The following LCN6 variants were observed in gnomAD, a reference collection of about 807,000 sequenced individuals.
The protein encoded by LCN6 is lipocalin 6, also known as epididymal-specific lipocalin-6.
Under a neutral mutation model 21.4 loss-of-function variants are expected in LCN6, and 20 were observed. That is an observed-to-expected ratio of 0.93 (90% CI 0.66 to 1.36). LCN6 has a LOEUF of 1.36. Among genes scored for constraint, LCN6 ranks in the 40% most tolerant of loss-of-function variants. The probability of loss-of-function intolerance (pLI) is 0.00; values close to 1 mark genes in which losing one functional copy is unlikely to be tolerated. For missense variants in LCN6, 217 were observed against 206.6 expected, an observed-to-expected ratio of 1.05 and a Z score of -0.31; for synonymous variants, 96 against 89.0, an observed-to-expected ratio of 1.08 and a Z score of -0.44.
In LCN6 at chr9:136,745,000, AG is replaced by A. The variant is rs1847016514; in HGVS notation, c.412+169del. On this transcript the variant is annotated intron_variant, in intron 4 of 6. Transcript: ENST00000341206. This position sits in a 1 kb window ranked among gnomAD's most constrained non-coding sequence, Gnocchi z 4.2. ...CCACACAGCTCCCCATGTGGCCCCA[AG>A]CGGCCCACTCACCACACAGCTCCCC... Among the ~76,000 whole-genome samples the A allele has an allele frequency of 6.9e-6, 1 of 145,746 alleles. No individual in the cohort carries two copies. The highest frequency in any genetic ancestry group is 2.6e-5 in the African/African-American group (1 of 38,492).
rs548557002 is a variant in LCN6, at chr9:136,748,318, G to A, written c.90+76C>T. 45 of 1,308,012 alleles carry A rather than the reference G, an allele frequency of 3.4e-5. No homozygotes were observed. In the East Asian group the frequency reaches 1.1e-3, roughly 31 times the overall value. The allele number at this position is 1,308,012 out of a possible 1,614,324, so 81.0% of individuals were successfully genotyped here. ...TGCTGGTCTGGGCTAGCCCTGGGGG[G>A]CCCAGAAGCTGTGTGGCCTTAAAGG... On this transcript the variant is annotated intron_variant, in intron 1 of 6. Transcript: ENST00000341206.
At chr9:136,745,427 C>G (rs1588301096) in intron 3 of LCN6, 147 bp from the exon 4 acceptor site, 1 of 636,930 alleles carries the variant, frequency 1.6e-6, no homozygotes, top group East Asian at 2.7e-5. Context: ...CACCCAGAGC[C>G]CCCAAGCTTT....
At position 136,748,242 on chromosome 9, in the gene LCN6, C is replaced by T. The variant is rs546065203; in HGVS notation, c.90+152G>A. 2.1e-4 allele frequency: 137 copies of T among 666,538 alleles called. 1 individual carries two copies. In the South Asian group the frequency reaches 2.3e-3, roughly 11 times the overall value. 41.3% of individuals were successfully genotyped at this position (666,538 alleles called of 1,614,324 possible). On this transcript the variant is annotated intron_variant, in intron 1 of 6. Coordinates refer to ENST00000341206, the MANE Select transcript of LCN6 (RefSeq NM_198946.3). Reference sequence around the variant, plus strand: ...CATCCACCCCTCCTGCCCTGAGGCTCCTGCCTGTGGGACTCCCCAAGGGCT... The same window carrying T: ...CATCCACCCCTCCTGCCCTGAGGCTTCTGCCTGTGGGACTCCCCAAGGGCT...
At position 136,744,602 on chromosome 9, in the gene LCN6, C is replaced by T. The variant is rs1051994473; in HGVS notation, c.*22+38G>A. ...ACGCCCTGTGGGCTCCAGAACTTGC[C>T]CCAAGCCTCCCCCGAGGCTGCTCCG... On this transcript the variant is annotated intron_variant, in intron 5 of 6. Transcript: ENST00000341206. This position sits in a 1 kb window ranked among gnomAD's most constrained non-coding sequence, Gnocchi z 4.2. 7.9e-6 allele frequency: 11 copies of T among 1,390,954 alleles called. No homozygotes were observed. In the African/African-American group the frequency reaches 1.1e-4, roughly 14 times the overall value. 86.2% of individuals were successfully genotyped at this position (1,390,954 alleles called of 1,614,324 possible).
chr9:136,745,207 C>T lies in LCN6; in HGVS notation c.375G>A (p.Glu125=), dbSNP rs1345220457. ...RDYAIIFTQL[E]FGDEPFNTVE... ...CGGTGTTGAAGGGCTCGTCCCCGAA[C>T]TCCAGCTGAGTGAAGATGATGGCAT... Residue 125 remains glutamate, a synonymous_variant, in exon 4 of 7, where the codon GAG becomes GAA. Coordinates refer to ENST00000341206, the MANE Select transcript of LCN6 (RefSeq NM_198946.3). The T allele has an allele frequency of 7.4e-6, 12 of 1,613,608 alleles. No individual in the cohort carries two copies. The highest frequency in any genetic ancestry group is 1.3e-5 in the African/African-American group (1 of 74,934).
At chr9:136,745,791 G>A in intron 3 of LCN6, 53 bp downstream of exon 3, 4 of 1,508,838 alleles carry the variant, frequency 2.7e-6, no homozygotes, top group Non-Finnish European at 3.7e-6. Context: ...CAGGGGGCCT[G>A]GGGATGCTGC....
At position 136,745,182 on chromosome 9, in the gene LCN6, C is replaced by A; in HGVS notation, c.400G>T (p.Val134Leu). ...LEFGDEPFNTVELYSLTETAS... is the reference protein window; with the variant it reads ...LEFGDEPFNTLELYSLTETAS... Reference sequence around the variant, plus strand: ...ACAGCACACTTACTGTACAGCTCCACGGTGTTGAAGGGCTCGTCCCCGAAC... The same window carrying A: ...ACAGCACACTTACTGTACAGCTCCAAGGTGTTGAAGGGCTCGTCCCCGAAC... The change falls in exon 4 of 7, where the codon GTG becomes TTG. Residue 134 changes from valine (V) to leucine (L), a missense_variant. Val to Leu is a conservative substitution (Grantham distance 32). Transcript: ENST00000341206. 6.2e-7 allele frequency: 1 copy of A among 1,610,184 alleles called. No homozygotes were observed. The highest frequency in any genetic ancestry group is 8.5e-7 in the Non-Finnish European group (1 of 1,176,792).
intron 3 of LCN6, 112 bp from the exon 4 acceptor site, chr9:136,745,392 C>T: frequency 1.3e-6 from 1 of 741,726 alleles, no homozygotes; most frequent in South Asian, 1.6e-5. Context: ...TGAGAGCCCC[C>T]CTCCCCAGGA....
intron 2 of LCN6, among the ~76,000 whole-genome samples, chr9:136,746,205 C>T (rs1297944683): frequency 6.7e-6 from 1 of 148,792 alleles, no homozygotes; most frequent in Non-Finnish European, 1.5e-5. Context: ...ACGGGAGGTT[C>T]GCCCGCGACT....
intron 1 of LCN6, 31 bp downstream of exon 1, chr9:136,748,363 C>T: frequency 6.3e-7 from 1 of 1,585,954 alleles, no homozygotes; most frequent in Non-Finnish European, 8.6e-7. Context: ...CCCCCGAGGA[C>T]CAGCTCTCCC....
In LCN6 at chr9:136,744,887, C is replaced by T. The variant is rs918604574; in HGVS notation, c.413-146G>A. The T allele has an allele frequency of 1.5e-6, 1 of 676,844 alleles. No individual in the cohort carries two copies. 41.9% of individuals were successfully genotyped at this position (676,844 alleles called of 1,614,324 possible). Reference sequence around the variant, plus strand: ...CAAAGCCACCTCCAGTGCAGCGAGCCTCAAGGTGGGGGAACTTGGCCTGCA... The same window carrying T: ...CAAAGCCACCTCCAGTGCAGCGAGCTTCAAGGTGGGGGAACTTGGCCTGCA... On this transcript the variant is annotated intron_variant, in intron 4 of 6. Transcript: ENST00000341206. The surrounding 1 kb of genome is among the most constrained non-coding windows in gnomAD (Gnocchi z 4.2).
At position 136,745,237 on chromosome 9, in the gene LCN6, T is replaced by G; in HGVS notation, c.345A>C (p.Arg115Ser). Residue 115 changes from arginine to serine, a missense_variant, in exon 4 of 7, where the codon AGA (arginine) becomes AGC (serine). Physicochemically the swap from Arg to Ser is moderately radical, Grantham distance 110. Transcript: ENST00000341206. ...GCTGAGTGAAGATGATGGCATAGTC[T>G]CTGAAGTTGGTGGCCAGCACCCAGA... The part of the protein sequence containing the change: ...LELWVLATNF[R>S]DYAIIFTQLE... 5 of 1,613,702 alleles carry G rather than the reference T, an allele frequency of 3.1e-6. No individual in the cohort carries two copies. Among genetic ancestry groups the G allele is most frequent in the Non-Finnish European group, 4.2e-6 (5 of 1,179,940 alleles).
chr9:136,747,907 GCC>G (rs1413225646), intron 1 of LCN6, among the ~76,000 whole-genome samples: 2 of 106,906 alleles, frequency 1.9e-5, no homozygotes. Context: ...CCAGCCTCCA[GCC>G]TTCCAGCCCT....
chr9:136,745,641 G>C, intron 3 of LCN6: 2 of 615,682 alleles, frequency 3.2e-6, no homozygotes, highest in South Asian at 3.8e-5. Context: ...GACCTCACTG[G>C]TGTCTGAGCC....
At chr9:136,747,687 C>A in intron 1 of LCN6, 124 bp from the exon 2 acceptor site, 7 of 884,874 alleles carry the variant, frequency 7.9e-6, no homozygotes, top group Non-Finnish European at 1.6e-6. Context: ...TCCAACCATC[C>A]AGCCCTCCAG....
chr9:136,747,795 C>T (rs1252930773), intron 1 of LCN6, among the ~76,000 whole-genome samples: 1 of 150,744 alleles, frequency 6.6e-6, no homozygotes, highest in African/African-American at 2.4e-5. Context: ...AGTCTCCAAC[C>T]CTCCCGCCCT....
chr9:136,746,132 T>G, intron 2 of LCN6: 2 of 550,198 alleles, frequency 3.6e-6, no homozygotes, highest in Non-Finnish European at 6.5e-6. Context: ...TGAGAGATCC[T>G]CAGTGCCAGA....
In LCN6 at chr9:136,744,998, C is replaced by G. The variant is rs1271886840; in HGVS notation, c.412+172G>C. ...CACCACACAGCTCCCCATGTGGCCC[C>G]AAGCGGCCCACTCACCACACAGCTC... On this transcript the variant is annotated intron_variant, in intron 4 of 6. Transcript: ENST00000341206. This position sits in a 1 kb window ranked among gnomAD's most constrained non-coding sequence, Gnocchi z 4.2. Among the ~76,000 whole-genome samples the G allele has an allele frequency of 2.0e-5, 3 of 151,008 alleles. No individual in the cohort carries two copies. The highest frequency in any genetic ancestry group is 7.3e-5 in the African/African-American group (3 of 40,948).
In LCN6 at chr9:136,748,267, T is replaced by C. The variant is rs957972878; in HGVS notation, c.90+127A>G. The C allele has an allele frequency of 2.7e-5, 21 of 791,836 alleles. 1 individual carries two copies. The highest frequency in any genetic ancestry group is 4.1e-5 in the Non-Finnish European group (20 of 491,652). The allele number at this position is 791,836 out of a possible 1,614,324, so 49.1% of individuals were successfully genotyped here. A position where few individuals can be genotyped will look rare whatever the true frequency, so the allele number is the denominator to read the frequency against. ...CCTGCCTGTGGGACTCCCCAAGGGCTGGCCCAACTAATTCCCCACTGCTCA... is the reference window on the plus strand; with the variant it reads ...CCTGCCTGTGGGACTCCCCAAGGGCCGGCCCAACTAATTCCCCACTGCTCA... On this transcript the variant is annotated intron_variant, in intron 1 of 6. Coordinates refer to ENST00000341206, the MANE Select transcript of LCN6 (RefSeq NM_198946.3).
Sources: allele counts gnomAD v4.1 joint callset (sites outside exome capture counted in the v4.1 genomes callset), GRCh38; gene constraint gnomAD v4.1.1; non-coding constraint Gnocchi (gnomAD v3.1); transcripts MANE v1.5; gene names NCBI Gene and HGNC (gene_info 2026-07-23, HGNC 2026-07-21).